Variants in SMTN observed in about 807,000 individuals in gnomAD.
The protein encoded by SMTN is smoothelin.
A neutral mutation model predicts 102.0 loss-of-function variants in SMTN; 58 were observed. That is an observed-to-expected ratio of 0.57 (90% CI 0.46 to 0.71). The LOEUF is 0.71. Ranked by LOEUF, SMTN falls within the 30% of genes least tolerant of loss-of-function variation. The probability of loss-of-function intolerance (pLI) is 0.00; values close to 1 mark genes in which losing one functional copy is unlikely to be tolerated. For missense variants in SMTN, 1,185 were observed against 1,241.7 expected, an observed-to-expected ratio of 0.95 and a Z score of 0.69; for synonymous variants, 478 against 497.9, an observed-to-expected ratio of 0.96 and a Z score of 0.53.
chr22:31,076,503 T>C (rs1441653067), upstream of SMTN, among the ~76,000 whole-genome samples: 1 of 152,190 alleles, frequency 6.6e-6, no homozygotes, highest in African/African-American at 2.4e-5. Context: ...TCTTTGCCCA[T>C]AAAAGGGACA....
chr22:31,097,869 G>A (rs946220447), intron 16 of SMTN, among the ~76,000 whole-genome samples: 2 of 152,168 alleles, frequency 1.3e-5, no homozygotes, highest in African/African-American at 4.8e-5. Context: ...CCACACCACA[G>A]GAGAGGTGGA....
At chr22:31,101,316 G>A (rs2044071165) in intron 20 of SMTN, 1 of 415,334 alleles carries the variant, frequency 2.4e-6, no homozygotes, top group African/African-American at 2.0e-5. Context: ...CCCCCCATCT[G>A]AAAAAAGTGC....
At chr22:31,087,819 T>C in intron 2 of SMTN, 146 bp from the exon 3 acceptor site, 2 of 822,866 alleles carry the variant, frequency 2.4e-6, no homozygotes, top group Non-Finnish European at 3.6e-6. Flanking sequence ...CCCGGGACCC[T>C]GCGTGGGCAG....
chr22:31,098,588 C>CCG, intron 16 of SMTN, 79 bp from the exon 17 acceptor site: 1 of 1,436,698 alleles, frequency 7.0e-7, no homozygotes, highest in Non-Finnish European at 9.6e-7. Context: ...CAAGACCCCC[C>CCG]CTCCTCCTCG....
chr22:31,087,604 G>T (rs1480131267), intron 2 of SMTN, among the ~76,000 whole-genome samples: 2 of 152,202 alleles, frequency 1.3e-5, no homozygotes, highest in East Asian at 3.8e-4. Flanking sequence ...CCACAGGGTG[G>T]CCTCCCTCCT....
At chr22:31,067,938 G>A (rs1034490477) in intron 1 of SMTN, 1 of 152,328 alleles carries the variant, frequency 6.6e-6, no homozygotes, top group African/African-American at 2.4e-5. Context: ...GGAGGCCAAG[G>A]TGGGCAGATC....
At chr22:31,100,671 G>A (rs2044007100) in intron 19 of SMTN, among the ~76,000 whole-genome samples, 2 of 152,156 alleles carry the variant, frequency 1.3e-5, no homozygotes. Flanking sequence ...GGTAGTGAGC[G>A]GCACGTCCAC....
intron 1 of SMTN, among the ~76,000 whole-genome samples, chr22:31,071,860 T>C (rs1175455498): frequency 6.6e-6 from 1 of 151,448 alleles, no homozygotes; most frequent in African/African-American, 2.4e-5. Flanking sequence ...CACACCCAGC[T>C]CATTTTTGTA....
upstream of SMTN, among the ~76,000 whole-genome samples, chr22:31,079,581 C>T (rs983009742): frequency 2.0e-5 from 3 of 152,218 alleles, no homozygotes; most frequent in Non-Finnish European, 4.4e-5. Context: ...TCCCAAGGGA[C>T]GCGTGAATTT....
chr22:31,071,765 G>A (rs1262070602), intron 1 of SMTN, among the ~76,000 whole-genome samples: 1 of 146,184 alleles, frequency 6.8e-6, no homozygotes, highest in Non-Finnish European at 1.5e-5. Context: ...GCATGATCTC[G>A]GCTCACTGCA....
At chr22:31,077,282 G>A (rs1981330957), upstream of SMTN, among the ~76,000 whole-genome samples, 1 of 151,984 alleles carries the variant, frequency 6.6e-6, no homozygotes, top group Non-Finnish European at 1.5e-5. Flanking sequence ...GGTGGCACGT[G>A]TCTGTAGTCC....
chr22:31,086,277 G>C (rs541641112), intron 2 of SMTN, among the ~76,000 whole-genome samples: 1 of 152,356 alleles, frequency 6.6e-6, no homozygotes, highest in South Asian at 2.1e-4. Context: ...CTTCAGCCTA[G>C]GGCAGGCCCT....
At chr22:31,097,151 G>A (rs1276117717) in intron 15 of SMTN, 91 bp downstream of exon 15, 4 of 1,503,646 alleles carry the variant, frequency 2.7e-6, no homozygotes, top group Non-Finnish European at 2.8e-6. Context: ...GTCTTCAACT[G>A]TGCCGTCACT....
rs1255958028 is a variant in SMTN at position 31,095,917 on chromosome 22, C to T, written c.1861+308C>T. On this transcript the variant is annotated intron_variant, in intron 13 of 20. Transcript: ENST00000333137. This position sits in a 1 kb window ranked among gnomAD's most constrained non-coding sequence, Gnocchi z 4.1. ...CAGTTGCCTCTCAAAGTACTGTCAA[C>T]GACTCCTTCCCTGAATCCAGATACT... is the stretch of plus-strand genomic sequence containing the variant. 8 of 446,546 alleles carry T rather than the reference C, an allele frequency of 1.8e-5. No individual in the cohort carries two copies. Among genetic ancestry groups the T allele is most frequent in the South Asian group, 4.6e-5 (2 of 43,050 alleles). 27.7% of individuals were successfully genotyped at this position (446,546 alleles called of 1,614,324 possible).
At chr22:31,098,587 C>CCA (rs1555971923) in intron 16 of SMTN, 80 bp from the exon 17 acceptor site, 7 of 1,432,618 alleles carry the variant, frequency 4.9e-6, no homozygotes, top group Non-Finnish European at 6.7e-6. Flanking sequence ...ACAAGACCCC[C>CCA]CCTCCTCCTC....
intron 16 of SMTN, among the ~76,000 whole-genome samples, chr22:31,097,805 G>A (rs2043724460): frequency 2.6e-5 from 4 of 152,148 alleles, no homozygotes; most frequent in Admixed American, 1.3e-4. Context: ...GCCAGGGAGG[G>A]GCAAAGTGAG....
At chr22:31,077,531 T>A (rs1438922223), upstream of SMTN, among the ~76,000 whole-genome samples, 5 of 152,050 alleles carry the variant, frequency 3.3e-5, no homozygotes, top group Non-Finnish European at 7.4e-5. Flanking sequence ...ATAAGCATGA[T>A]CAGGAGCCAG....
Position 31,089,725 on chromosome 22 carries a change from G to A in SMTN, c.498G>A (p.Gln166=). Residue 166 remains glutamine (Q), a synonymous_variant, in exon 7 of 21, where the codon CAG becomes CAA. Transcript: ENST00000333137. ...CEVPEREEQE[Q]QAEVSKPTPT... is the part of the protein sequence containing the mutation. Reference sequence around the variant, plus strand: ...TGCCAGAGCGAGAGGAACAGGAACAGCAGGCAGAGGTTTCAAAGCCAACCC... The same window carrying A: ...TGCCAGAGCGAGAGGAACAGGAACAACAGGCAGAGGTTTCAAAGCCAACCC... 6.2e-7 allele frequency: 1 copy of A among 1,604,850 alleles called. No individual in the cohort carries two copies. The highest frequency in any genetic ancestry group is 8.5e-7 in the Non-Finnish European group (1 of 1,179,044).
In SMTN at chr22:31,090,141, C is replaced by A. The variant is rs778167561; in HGVS notation, c.826C>A (p.Gln276Lys). 46 of 1,612,670 alleles carry A rather than the reference C, an allele frequency of 2.9e-5. No homozygotes were observed. The highest frequency in any genetic ancestry group is 3.7e-5 in the Non-Finnish European group (44 of 1,179,358). The change falls in exon 8 of 21, where the codon CAG becomes AAG. Residue 276 changes from glutamine to lysine, a missense_variant. Gln to Lys is a moderately conservative substitution (Grantham distance 53, BLOSUM62 1). This residue lies in a region of SMTN where 1,096 missense variants were observed against 1,112.7 expected (regional missense o/e 0.98). Transcript: ENST00000333137. ...TGGCCCCAAAGAGACCCCTGCTGCC[C>A]AGAGCCCCACCAGAGGCCCCTCTGA... ...LSGPKETPAA[Q>K]SPTRGPSDTK...
Sources: allele counts gnomAD v4.1 joint callset (sites outside exome capture counted in the v4.1 genomes callset), GRCh38; gene constraint gnomAD v4.1.1; regional missense constraint gnomAD v4.1.1; non-coding constraint Gnocchi (gnomAD v3.1); transcripts MANE v1.5; gene names NCBI Gene and HGNC (gene_info 2026-07-23, HGNC 2026-07-21).